CLCA2: variants seen among roughly 807,000 people sequenced by gnomAD.
CLCA2 encodes the protein calcium-activated chloride channel regulator 2.
A neutral mutation model predicts 82.9 loss-of-function variants in CLCA2; 85 were observed. The ratio of observed to expected loss-of-function variants is 1.03; its 90% CI spans 0.86 to 1.23. The LOEUF is 1.23. Among genes scored for constraint, CLCA2 ranks in the 50% most tolerant of loss-of-function variants. The pLI, the probability that CLCA2 is intolerant of heterozygous loss-of-function variation, is 0.00. For missense variants in CLCA2, 1,089 were observed against 1,124.8 expected (o/e 0.97, Z 0.45); for synonymous variants, 421 against 391.7 (o/e 1.07, Z -0.88).
At chr1:86,453,703 G>T in intron 13 of CLCA2, 101 bp downstream of exon 13, 2 of 1,023,572 alleles carry the variant, frequency 2.0e-6, no homozygotes, top group Non-Finnish European at 2.8e-6. Context: ...GGATTGTTGT[G>T]AAAAGCTCTG....
chr1:86,432,415 T>C lies in CLCA2; in HGVS notation c.631T>C (p.Cys211Arg), dbSNP rs1662519754. 6.2e-7 allele frequency: 1 copy of C among 1,614,042 alleles called. No homozygotes were observed. Among genetic ancestry groups the C allele is most frequent in the Admixed American group, 1.7e-5 (1 of 60,014 alleles). ...CATTTTTGTGTGTGAAAAAGGTCCT[T>C]GCCCCCAAGAAAACTGTATTATTAG... is the stretch of plus-strand genomic sequence containing the variant. ...TGIFVCEKGP[C>R]PQENCIISKL... is the part of the protein sequence containing the mutation. Residue 211 changes from cysteine (C) to arginine (R), a missense_variant, in exon 5 of 14, where the codon TGC (cysteine) becomes CGC (arginine). By Grantham distance (180) the Cys-to-Arg change is radical. Transcript: ENST00000370565.
chr1:86,451,524 G>A (rs1479656527), intron 12 of CLCA2, among the ~76,000 whole-genome samples: 2 of 151,250 alleles, frequency 1.3e-5, no homozygotes, highest in Non-Finnish European at 3.0e-5. Flanking sequence ...ATCAAACACA[G>A]CCAAGATCCC....
intron 3 of CLCA2, among the ~76,000 whole-genome samples, chr1:86,430,379 G>T (rs1409872961): frequency 6.6e-6 from 1 of 152,118 alleles, no homozygotes; most frequent in Non-Finnish European, 1.5e-5. Flanking sequence ...TAGCTCCTAG[G>T]TTTCAACTAT....
intron 6 of CLCA2, among the ~76,000 whole-genome samples, chr1:86,436,215 G>A (rs1359301991): frequency 6.6e-6 from 1 of 152,162 alleles, no homozygotes; most frequent in Non-Finnish European, 1.5e-5. Flanking sequence ...CTGTATGGAT[G>A]TGCTACTACA....
Position 86,424,452 on chromosome 1 carries a change from A to T in CLCA2, c.186+19A>T. ...CATTAAGGTGAGTGGAAATTATGAA[A>T]TTGATACTAGCATCCCATTTGATCA... is the stretch of plus-strand genomic sequence containing the variant. On this transcript the variant is annotated intron_variant, in intron 1 of 13. Transcript: ENST00000370565. 1 of 1,592,292 alleles carries T rather than the reference A, an allele frequency of 6.3e-7. No homozygotes were observed. The highest frequency in any genetic ancestry group is 1.3e-5 in the African/African-American group (1 of 74,364).
At chr1:86,437,213 C>T (rs1662630295) in intron 6 of CLCA2, among the ~76,000 whole-genome samples, 1 of 152,140 alleles carries the variant, frequency 6.6e-6, no homozygotes, top group African/African-American at 2.4e-5. Flanking sequence ...CGTCATTGAA[C>T]CATTATTGCC....
intron 4 of CLCA2, among the ~76,000 whole-genome samples, chr1:86,431,473 CAT>C (rs896290595): frequency 1.3e-5 from 2 of 152,172 alleles, no homozygotes; most frequent in African/African-American, 4.8e-5. Context: ...TAGCATTACA[CAT>C]GTGTCATTTC....
At chr1:86,435,835 T>A (rs1246224844) in intron 6 of CLCA2, among the ~76,000 whole-genome samples, 1 of 152,184 alleles carries the variant, frequency 6.6e-6, no homozygotes, top group Non-Finnish European at 1.5e-5. Flanking sequence ...TTTCCTACTA[T>A]TTTTTACTAT....
intron 13 of CLCA2, among the ~76,000 whole-genome samples, chr1:86,453,853 G>T (rs1663022972): frequency 6.6e-6 from 1 of 152,062 alleles, no homozygotes; most frequent in South Asian, 2.1e-4. Context: ...ACGTGTTATG[G>T]GTGTCTGTTC....
chr1:86,425,832 A>T (rs977352535), intron 2 of CLCA2, among the ~76,000 whole-genome samples: 1 of 152,194 alleles, frequency 6.6e-6, no homozygotes, highest in African/African-American at 2.4e-5. Flanking sequence ...CCCATTTACC[A>T]TCCTGTCAGG....
intron 6 of CLCA2, among the ~76,000 whole-genome samples, chr1:86,437,607 C>T (rs927211847): frequency 6.6e-6 from 1 of 152,124 alleles, no homozygotes; most frequent in Non-Finnish European, 1.5e-5. Flanking sequence ...AAGGGAAGGG[C>T]ATTCATTTGT....
intron 6 of CLCA2, among the ~76,000 whole-genome samples, chr1:86,436,461 T>C (rs1171372240): frequency 6.6e-6 from 1 of 152,204 alleles, no homozygotes; most frequent in Non-Finnish European, 1.5e-5. Flanking sequence ...CATAGGGTTA[T>C]TGAGAGGGGA....
rs766070402 is a variant in CLCA2 at position 86,450,647 on chromosome 1, A to C, written c.2069A>C (p.His690Pro). ...AATGGTAGATATAGCTTGAAAGTGC[A>C]TGTCAATCACTCTCCCAGCATAAGC... is the stretch of plus-strand genomic sequence containing the variant. The part of the protein sequence containing the change: ...AANGRYSLKV[H>P]VNHSPSISTP... Residue 690 changes from histidine (H) to proline (P), a missense_variant, in exon 12 of 14, where the codon CAT becomes CCT. Physicochemically the swap from His to Pro is moderately conservative, Grantham distance 77 (BLOSUM62 -2). Transcript: ENST00000370565. 1.2e-6 allele frequency: 2 copies of C among 1,613,510 alleles called. No homozygotes were observed. The highest frequency in any genetic ancestry group is 1.7e-5 in the Admixed American group (1 of 59,982).
At chr1:86,454,206 A>C (rs903735585) in intron 13 of CLCA2, among the ~76,000 whole-genome samples, 1 of 152,106 alleles carries the variant, frequency 6.6e-6, no homozygotes, top group Non-Finnish European at 1.5e-5. Context: ...AATTTCCACA[A>C]CACCACTTAT....
chr1:86,433,379 A>C (rs569600736), intron 5 of CLCA2, among the ~76,000 whole-genome samples: 1 of 152,196 alleles, frequency 6.6e-6, no homozygotes, highest in Non-Finnish European at 1.5e-5. Context: ...TGGCTGACCA[A>C]TGCCCCTTGG....
intron 10 of CLCA2, among the ~76,000 whole-genome samples, chr1:86,446,545 T>C (rs371050500): frequency 2.0e-4 from 31 of 152,276 alleles, no homozygotes; most frequent in East Asian, 1.7e-3. Context: ...AATGTTATGA[T>C]TCAAAAAACA....
chr1:86,446,297 C>T (rs1192639496), intron 10 of CLCA2, among the ~76,000 whole-genome samples: 1 of 144,816 alleles, frequency 6.9e-6, no homozygotes, highest in Non-Finnish European at 1.5e-5. Flanking sequence ...CCAGACCCTT[C>T]ATGTTTTGGC....
rs1662340872 is a variant in CLCA2, at chr1:86,424,210, C to T, written c.-38C>T. On this transcript the variant is annotated 5_prime_UTR_variant, in exon 1 of 14. An upstream open reading frame in the 5' UTR gains an earlier in-frame stop. Transcript: ENST00000370565. ...TGAAAACCTGACACAATGTATGCAG[C>T]AGGCTCAGTGTGAGTGAACTGGAGG... The T allele has an allele frequency of 1.9e-6, 3 of 1,573,912 alleles. No homozygotes were observed. Among genetic ancestry groups the T allele is most frequent in the South Asian group, 1.2e-5 (1 of 84,290 alleles).
chr1:86,433,555 G>T (rs1662541517), intron 5 of CLCA2, among the ~76,000 whole-genome samples: 1 of 152,030 alleles, frequency 6.6e-6, no homozygotes, highest in Admixed American at 6.6e-5. Flanking sequence ...TTTATGACTA[G>T]GTACTATCTT....
Sources: gnomAD v4.1 joint callset for allele counts (sites outside exome capture counted in the v4.1 genomes callset) on GRCh38, gnomAD v4.1.1 for gene constraint, MANE v1.5 for transcripts, NCBI Gene and HGNC (gene_info 2026-07-23, HGNC 2026-07-21) for gene names.